Variants in RBPJ observed in about 807,000 individuals in gnomAD.
RBPJ encodes recombining binding protein suppressor of hairless.
Under a neutral mutation model 67.8 loss-of-function variants are expected in RBPJ, and 9 were observed. That is an observed-to-expected ratio of 0.13 (90% CI 0.08 to 0.23). RBPJ has a LOEUF of 0.23. RBPJ is among the 10% of genes least tolerant of loss of function. The pLI is 1.00. For synonymous variants in RBPJ, 198 were observed against 203.3 expected (o/e 0.97, Z 0.22); for missense variants, 305 against 595.6 (o/e 0.51, Z 5.08).
At position 26,428,766 on chromosome 4, in the gene RBPJ, A is replaced by G. The variant is rs1735930126; in HGVS notation, c.794A>G (p.Asp265Gly). ...CAGACCGCATTATTGGATGCAGATG[A>G]TCCTGTGTCACAACTCCATAAATGT... ...DKQTALLDADDPVSQLHKCAF... is the reference protein window; with the variant it reads ...DKQTALLDADGPVSQLHKCAF... Residue 265 changes from aspartate to glycine, a missense_variant, in exon 8 of 11, where the codon GAT (aspartate) becomes GGT (glycine). Physicochemically the swap from Asp to Gly is moderately conservative, Grantham distance 94. Transcript: ENST00000355476. 2 of 1,609,568 alleles carry G rather than the reference A, an allele frequency of 1.2e-6. No individual in the cohort carries two copies. Among genetic ancestry groups the G allele is most frequent in the African/African-American group, 2.7e-5 (2 of 74,936 alleles).
In RBPJ at chr4:26,244,452, T is replaced by C. The variant is rs376709191; in HGVS notation, c.-167+80838T>C. 3.6e-4 allele frequency among the ~76,000 whole-genome samples: 4 copies of C among 11,030 alleles called. 1 individual carries two copies. Among genetic ancestry groups the C allele is most frequent in the African/African-American group, 1.0e-3 (3 of 2,986 alleles). The allele number at this position is 11,030 out of a possible 152,430, so 7.2% of individuals were successfully genotyped here. A position where few individuals can be genotyped will look rare whatever the true frequency, so the allele number is the denominator to read the frequency against. On this transcript the variant is annotated intron_variant, in intron 1 of 4. Transcript: ENST00000512351. ...ATATGTATACATATGTGTGTATACA[T>C]ATATGTGTGTATATATGTATACATA...
chr4:26,260,167 G>T (rs1179016142), intron 1 of RBPJ, among the ~76,000 whole-genome samples: 1 of 152,128 alleles, frequency 6.6e-6, no homozygotes, highest in Non-Finnish European at 1.5e-5. Flanking sequence ...TTTTAAAAAG[G>T]CTCTTGTGGA....
chr4:26,182,157 A>C (rs952152142), intron 1 of RBPJ, among the ~76,000 whole-genome samples: 1 of 152,164 alleles, frequency 6.6e-6, no homozygotes. Context: ...CCTGGTTAAC[A>C]CGGTGAAACC....
chr4:26,106,327 A>T, the RBPJ span, among the ~76,000 whole-genome samples: 2 of 152,240 alleles, frequency 1.3e-5, no homozygotes, highest in African/African-American at 2.4e-5. Context: ...GGTTAGTGAG[A>T]TGAATGCCTC....
At chr4:26,302,452 C>G (rs549873602) in intron 1 of RBPJ, among the ~76,000 whole-genome samples, 1 of 152,212 alleles carries the variant, frequency 6.6e-6, no homozygotes, top group Non-Finnish European at 1.5e-5. Context: ...GTTTCTCCAG[C>G]TCTCTGGAAT....
intron 1 of RBPJ, among the ~76,000 whole-genome samples, chr4:26,210,838 G>C (rs1457509508): frequency 7.6e-6 from 1 of 131,000 alleles, no homozygotes. Flanking sequence ...TCTTTTATTG[G>C]TGTGCCAGTG....
chr4:26,107,328 G>A, the RBPJ span, among the ~76,000 whole-genome samples: 43 of 152,346 alleles, frequency 2.8e-4, no homozygotes, highest in African/African-American at 8.9e-4. Context: ...GGTAACTCAT[G>A]TTTTCTCAAA....
intron 1 of RBPJ, among the ~76,000 whole-genome samples, chr4:26,345,388 G>A (rs1485126732): frequency 6.6e-6 from 1 of 152,186 alleles, no homozygotes; most frequent in Non-Finnish European, 1.5e-5. Flanking sequence ...GTAGTCACTA[G>A]GGAAGTAGAA....
At chr4:26,289,523 G>A (rs1721598625) in intron 1 of RBPJ, among the ~76,000 whole-genome samples, 2 of 150,570 alleles carry the variant, frequency 1.3e-5, no homozygotes, top group African/African-American at 2.5e-5. Context: ...AAGCGTGATA[G>A]GCTGCAGAGA....
intron 1 of RBPJ, among the ~76,000 whole-genome samples, chr4:26,322,677 A>G (rs1723211942): frequency 2.4e-5 from 1 of 41,054 alleles, no homozygotes; most frequent in South Asian, 7.1e-4. Flanking sequence ...ATATATATAC[A>G]CACACACACG....
intron 1 of RBPJ, among the ~76,000 whole-genome samples, chr4:26,232,566 T>G (rs955214146): frequency 6.6e-6 from 1 of 152,232 alleles, no homozygotes; most frequent in African/African-American, 2.4e-5. Context: ...CTCTCCCATC[T>G]AAATGCACTT....
In RBPJ at chr4:26,308,211, G is replaced by A. The variant is rs575781844; in HGVS notation, c.-166-54235G>A. ...GAATGGCGTGAGCCCGGGAGGCGGA[G>A]CTTGCAGTGAGCCGAGATCGGGCCA... On this transcript the variant is annotated intron_variant, in intron 1 of 4. Coordinates refer to the RBPJ transcript ENST00000512351. Among the ~76,000 whole-genome samples, 19 of 152,288 alleles carry A rather than the reference G, an allele frequency of 1.2e-4. No individual in the cohort carries two copies. In the South Asian group the frequency reaches 3.7e-3, roughly 30 times the overall value.
intron 1 of RBPJ, among the ~76,000 whole-genome samples, chr4:26,302,048 C>T (rs1722095131): frequency 6.6e-6 from 1 of 152,186 alleles, no homozygotes; most frequent in Admixed American, 6.5e-5. Context: ...CTGCCTCGGC[C>T]TCCCAAAGTG....
intron 1 of RBPJ, among the ~76,000 whole-genome samples, chr4:26,328,982 G>A (rs1300188875): frequency 6.6e-6 from 1 of 152,082 alleles, no homozygotes; most frequent in Non-Finnish European, 1.5e-5. Context: ...ACAAGGGTAA[G>A]GTATTGAGGT....
At chr4:26,239,110 T>G (rs1297694230) in intron 1 of RBPJ, among the ~76,000 whole-genome samples, 1 of 152,100 alleles carries the variant, frequency 6.6e-6, no homozygotes, top group African/African-American at 2.4e-5. Context: ...TAGCCTAACT[T>G]CCAAGACCTG....
chr4:26,202,421 C>T (rs1384393113), intron 1 of RBPJ, among the ~76,000 whole-genome samples: 1 of 151,930 alleles, frequency 6.6e-6, no homozygotes, highest in Non-Finnish European at 1.5e-5. Context: ...CAAATTTCAA[C>T]ATATCTAAAA....
chr4:26,354,441 A>G (rs545648537), intron 1 of RBPJ, among the ~76,000 whole-genome samples: 1 of 146,486 alleles, frequency 6.8e-6, no homozygotes, highest in African/African-American at 2.5e-5. Flanking sequence ...TTATTGGCAA[A>G]AAGATTTCTG....
the RBPJ span, among the ~76,000 whole-genome samples, chr4:26,126,146 G>A: frequency 6.6e-6 from 1 of 152,190 alleles, no homozygotes; most frequent in Admixed American, 6.5e-5. Flanking sequence ...GAATGGAAAA[G>A]ATCAAGCACT....
intron 1 of RBPJ, chr4:26,362,396 A>T (rs893623005): frequency 2.6e-6 from 3 of 1,136,146 alleles, no homozygotes; most frequent in Middle Eastern, 6.2e-4. Flanking sequence ...GTGCACTAGC[A>T]GTTTAACATA....
Sources: allele counts gnomAD v4.1 joint callset (sites outside exome capture counted in the v4.1 genomes callset), GRCh38; gene constraint gnomAD v4.1.1; transcripts MANE v1.5; gene names NCBI Gene and HGNC (gene_info 2026-07-23, HGNC 2026-07-21).